Variants in TBC1D15 observed in about 807,000 individuals in gnomAD.
The protein encoded by TBC1D15 is TBC1 domain family member 15.
In TBC1D15, 39 loss-of-function variants were observed where a neutral mutation model predicts 95.4. The observed-to-expected ratio is 0.41, with a 90% CI of 0.32 to 0.53. The LOEUF is 0.53. Ranked by LOEUF, TBC1D15 falls within the 20% of genes least tolerant of loss-of-function variation. The pLI is 0.29. For missense variants in TBC1D15, 733 were observed against 794.3 expected, an observed-to-expected ratio of 0.92 and a Z score of 0.93; for synonymous variants, 258 against 261.3, an observed-to-expected ratio of 0.99 and a Z score of 0.12.
intron 14 of TBC1D15, among the ~76,000 whole-genome samples, chr12:71,919,245 A>C (rs1239816044): frequency 1.4e-5 from 2 of 144,714 alleles, no homozygotes; most frequent in African/African-American, 5.2e-5. Context: ...TTGCTATGTT[A>C]CCTAGACTGA....
chr12:71,856,720 A>G (rs1213030667), intron 1 of TBC1D15, among the ~76,000 whole-genome samples: 1 of 152,206 alleles, frequency 6.6e-6, no homozygotes, highest in Non-Finnish European at 1.5e-5. Context: ...TCATGTTCAC[A>G]GCACTGGTAG....
intron 5 of TBC1D15, among the ~76,000 whole-genome samples, chr12:71,889,292 A>C (rs1388668802): frequency 6.6e-6 from 1 of 152,206 alleles, no homozygotes; most frequent in Non-Finnish European, 1.5e-5. Flanking sequence ...CTGTTCTTCT[A>C]ATATCAGCCA....
At chr12:71,896,459 TAG>T (rs1898195012) in intron 8 of TBC1D15, 2 of 509,792 alleles carry the variant, frequency 3.9e-6, no homozygotes, top group African/African-American at 3.9e-5. Flanking sequence ...CTGTATTCTG[TAG>T]TCTACTGTAT....
chr12:71,911,665 C>T (rs1190682285), intron 11 of TBC1D15, among the ~76,000 whole-genome samples: 395 of 116,558 alleles, frequency 3.4e-3, no homozygotes, highest in East Asian at 4.8e-3. Context: ...GGAGATATAC[C>T]TAATGCTAAA....
At chr12:71,884,550 CAGTTTTTTTGGGCAAAG>C (rs1895850514) in intron 4 of TBC1D15, among the ~76,000 whole-genome samples, 1 of 152,098 alleles carries the variant, frequency 6.6e-6, no homozygotes, top group Non-Finnish European at 1.5e-5. Context: ...AAGCCATGAT[CAGTTTTTTTGGGCAAAG>C]CTTGTATTTT....
At chr12:71,871,468 TAGAA>T in intron 1 of TBC1D15, among the ~76,000 whole-genome samples, 1 of 152,240 alleles carries the variant, frequency 6.6e-6, no homozygotes, top group East Asian at 1.9e-4. Context: ...TGGGAATAGT[TAGAA>T]AGGATTGATT....
At chr12:71,861,438 G>A in intron 1 of TBC1D15, 2 of 1,507,274 alleles carry the variant, frequency 1.3e-6, no homozygotes, top group Non-Finnish European at 1.8e-6. Flanking sequence ...ATCTTGATAA[G>A]TAGTATGTGT....
chr12:71,850,296 A>G (rs1887448103), intron 1 of TBC1D15: 8 of 483,140 alleles, frequency 1.7e-5, no homozygotes, highest in East Asian at 5.1e-5. Flanking sequence ...TACTGGGGCT[A>G]TACTGGCTAG....
intron 4 of TBC1D15, among the ~76,000 whole-genome samples, chr12:71,883,856 C>T (rs532309996): frequency 7.2e-5 from 11 of 152,226 alleles, no homozygotes; most frequent in Non-Finnish European, 1.5e-4. Context: ...GAACTAGCAT[C>T]ATTAGTGAGA....
intron 5 of TBC1D15, among the ~76,000 whole-genome samples, chr12:71,889,614 T>A (rs1896868329): frequency 6.6e-6 from 1 of 152,178 alleles, no homozygotes; most frequent in Non-Finnish European, 1.5e-5. Context: ...ATATAAGCCA[T>A]CCCCCACTGT....
intron 1 of TBC1D15, among the ~76,000 whole-genome samples, chr12:71,851,591 G>T (rs185979262): frequency 2.6e-5 from 4 of 152,342 alleles, no homozygotes; most frequent in South Asian, 2.1e-4. Flanking sequence ...ATTCAATGGG[G>T]TTATAGGCAT....
Position 71,880,499 on chromosome 12 carries a change from G to A in TBC1D15, c.235G>A (p.Ala79Thr). 1.6e-5 allele frequency: 26 copies of A among 1,607,802 alleles called. No individual in the cohort carries two copies. Among genetic ancestry groups the A allele is most frequent in the Non-Finnish European group, 2.2e-5 (26 of 1,176,276 alleles). Residue 79 changes from alanine to threonine, a missense_variant, in exon 4 of 17, where the codon GCC (alanine) becomes ACC (threonine). Physicochemically the swap from Ala to Thr is moderately conservative, Grantham distance 58. Transcript: ENST00000485960. The part of the protein sequence containing the change: ...DSSSVVEWTQ[A>T]PKERGHRGSE... Reference sequence around the variant, plus strand: ...CAGTTCAGTTGTAGAATGGACTCAGGCCCCAAAAGAAAGAGGTCATCGAGG... The same window carrying A: ...CAGTTCAGTTGTAGAATGGACTCAGACCCCAAAAGAAAGAGGTCATCGAGG...
intron 3 of TBC1D15, among the ~76,000 whole-genome samples, chr12:71,874,227 G>A (rs192373334): frequency 2.5e-4 from 38 of 152,314 alleles, no homozygotes; most frequent in African/African-American, 8.9e-4. Flanking sequence ...CACGTTCTGA[G>A]GTAATGGGAG....
At chr12:71,894,617 C>A in intron 6 of TBC1D15, 69 bp from the exon 7 acceptor site, 1 of 1,373,864 alleles carries the variant, frequency 7.3e-7, no homozygotes, top group Non-Finnish European at 1.0e-6. Context: ...TGCTTTTTTG[C>A]TCATGATGGA....
intron 1 of TBC1D15, chr12:71,849,168 AAAAAAAAAAAC>A (rs1363784957): frequency 2.7e-5 from 7 of 261,482 alleles, no homozygotes; most frequent in East Asian, 7.3e-5. Context: ...GATTATAAAA[AAAAAAAAAAAC>A]AAAAAAAAAA....
chr12:71,845,417 C>G (rs1886046307), intron 1 of TBC1D15, among the ~76,000 whole-genome samples: 1 of 152,058 alleles, frequency 6.6e-6, no homozygotes, highest in Non-Finnish European at 1.5e-5. Context: ...GTTCGAGGGA[C>G]TTAGGTTATA....
chr12:71,869,947 C>G (rs1565977939), intron 1 of TBC1D15, among the ~76,000 whole-genome samples: 1 of 152,088 alleles, frequency 6.6e-6, no homozygotes, highest in Non-Finnish European at 1.5e-5. Context: ...GTTAACAGTT[C>G]CTGTTTCAAC....
intron 5 of TBC1D15, among the ~76,000 whole-genome samples, chr12:71,888,897 G>A (rs1433946453): frequency 8.1e-6 from 1 of 124,180 alleles, no homozygotes; most frequent in East Asian, 2.3e-4. Flanking sequence ...AATGCCTACT[G>A]TGTCTTAGAT....
At chr12:71,860,802 C>G (rs562412207) in intron 1 of TBC1D15, among the ~76,000 whole-genome samples, 1 of 152,088 alleles carries the variant, frequency 6.6e-6, no homozygotes, top group African/African-American at 2.4e-5. Flanking sequence ...TGTCTTGTAC[C>G]AGATCTTAGA....
Sources: gnomAD v4.1 joint callset for allele counts (sites outside exome capture counted in the v4.1 genomes callset) on GRCh38, gnomAD v4.1.1 for gene constraint, MANE v1.5 for transcripts, NCBI Gene and HGNC (gene_info 2026-07-23, HGNC 2026-07-21) for gene names.